LMBRD1: variants seen among roughly 807,000 people sequenced by gnomAD.
LMBRD1 encodes LMBR1 domain containing 1.
A neutral mutation model predicts 74.8 loss-of-function variants in LMBRD1; 64 were observed. The ratio of observed to expected loss-of-function variants is 0.86; its 90% CI spans 0.70 to 1.05. LMBRD1 has a LOEUF of 1.05. LMBRD1 is among the 50% of genes least tolerant of loss of function. The pLI is 0.00. For synonymous variants in LMBRD1, 204 were observed against 216.3 expected (o/e 0.94, Z 0.50); for missense variants, 652 against 645.9 (o/e 1.01, Z -0.10).
chr6:69,751,971 T>C (rs199873889), intron 4 of LMBRD1, among the ~76,000 whole-genome samples: 2 of 150,010 alleles, frequency 1.3e-5, no homozygotes, highest in Admixed American at 1.3e-4. Context: ...GCTAGCTTGA[T>C]TGTTGTGTAA....
chr6:69,765,877 T>C (rs574532172), intron 3 of LMBRD1, among the ~76,000 whole-genome samples: 7 of 152,168 alleles, frequency 4.6e-5, no homozygotes, highest in African/African-American at 1.7e-4. Context: ...TTTTTGATGG[T>C]TTCTGATTGG....
At chr6:69,790,241 A>T in intron 2 of LMBRD1, 55 bp downstream of exon 2, 1 of 1,190,254 alleles carries the variant, frequency 8.4e-7, no homozygotes, top group Non-Finnish European at 1.2e-6. Context: ...TCGGACTGCC[A>T]AGTGTGCCAG....
intron 7 of LMBRD1, among the ~76,000 whole-genome samples, chr6:69,733,943 A>G (rs1766917652): frequency 6.6e-6 from 1 of 152,206 alleles, no homozygotes; most frequent in Admixed American, 6.5e-5. Context: ...TTAAGTGGCC[A>G]GTAGATTCCA....
intron 4 of LMBRD1, among the ~76,000 whole-genome samples, chr6:69,751,584 TC>T (rs1317660322): frequency 6.6e-6 from 1 of 152,194 alleles, no homozygotes; most frequent in African/African-American, 2.4e-5. Flanking sequence ...CGCCTCGGCC[TC>T]CCAAAGTGCT....
rs888375728 is a variant in LMBRD1 at position 69,779,534 on chromosome 6, G to A, written c.307+960C>T. Among the ~76,000 whole-genome samples the A allele has an allele frequency of 2.6e-5, 4 of 152,220 alleles. No homozygotes were observed. In the East Asian group the frequency reaches 7.7e-4, roughly 29 times the overall value. On this transcript the variant is annotated intron_variant, in intron 3 of 15. Transcript: ENST00000649934. ...GACTCTGTGGAGAGTAAAGTTGATAGTACAAATTCCCCAGAGACTGCAGTC... is the reference window on the plus strand; with the variant it reads ...GACTCTGTGGAGAGTAAAGTTGATAATACAAATTCCCCAGAGACTGCAGTC...
chr6:69,701,968 A>T lies in LMBRD1; in HGVS notation c.916-15T>A, dbSNP rs368465228. On this transcript the variant is annotated splice_polypyrimidine_tract_variant and intron_variant, in intron 9 of 15. Transcript: ENST00000649934. ...CCCCAGACGATCTAAAAGCAAAAATATATTCATTAAAATATAGTTCTAAAA... is the reference window on the plus strand; with the variant it reads ...CCCCAGACGATCTAAAAGCAAAAATTTATTCATTAAAATATAGTTCTAAAA... The T allele has an allele frequency of 3.4e-6, 5 of 1,489,502 alleles. No individual in the cohort carries two copies. Among genetic ancestry groups the T allele is most frequent in the Non-Finnish European group, 4.7e-6 (5 of 1,068,152 alleles). 92.3% of individuals were successfully genotyped at this position (1,489,502 alleles called of 1,614,324 possible). A position where few individuals can be genotyped will look rare whatever the true frequency, so the allele number is the denominator to read the frequency against.
chr6:69,749,513 C>T, intron 4 of LMBRD1, 105 bp from the exon 5 acceptor site: 1 of 855,106 alleles, frequency 1.2e-6, no homozygotes, highest in South Asian at 1.5e-5. Context: ...CATGCTTACA[C>T]TCAATATTGA....
intron 2 of LMBRD1, among the ~76,000 whole-genome samples, chr6:69,788,249 TA>T (rs1419341027): frequency 1.3e-5 from 2 of 152,020 alleles, no homozygotes; most frequent in Non-Finnish European, 2.9e-5. Flanking sequence ...AATTCTAAAC[TA>T]AAAAAATCTC....
chr6:69,718,345 A>C (rs1766537153), intron 8 of LMBRD1, among the ~76,000 whole-genome samples: 1 of 152,170 alleles, frequency 6.6e-6, no homozygotes, highest in African/African-American at 2.4e-5. Context: ...ATCATACATA[A>C]GAAAAACTTC....
At chr6:69,786,148 T>C (rs1765939718) in intron 2 of LMBRD1, among the ~76,000 whole-genome samples, 1 of 152,230 alleles carries the variant, frequency 6.6e-6, no homozygotes, top group Admixed American at 6.5e-5. Context: ...AGCAACCTCA[T>C]TTGCCTTAAT....
chr6:69,718,637 GT>G (rs1180856693), intron 8 of LMBRD1, among the ~76,000 whole-genome samples: 4 of 152,284 alleles, frequency 2.6e-5, no homozygotes, highest in South Asian at 2.1e-4. Flanking sequence ...GGAAGGAGAA[GT>G]GCCAAAGGGG....
At chr6:69,780,761 C>A (rs1408771916) in intron 2 of LMBRD1, among the ~76,000 whole-genome samples, 3 of 152,122 alleles carry the variant, frequency 2.0e-5, no homozygotes, top group East Asian at 3.9e-4. Context: ...TGGGAAAACA[C>A]AGACAAAAGG....
At chr6:69,697,459 T>G (rs111626706) in intron 14 of LMBRD1, 104 bp downstream of exon 14, 1 of 813,934 alleles carries the variant, frequency 1.2e-6, no homozygotes, top group Non-Finnish European at 2.1e-6. Flanking sequence ...AAAAGTTTCC[T>G]TCTTACCACG....
intron 7 of LMBRD1, among the ~76,000 whole-genome samples, chr6:69,731,327 G>A (rs1263643903): frequency 6.6e-6 from 1 of 151,944 alleles, no homozygotes; most frequent in African/African-American, 2.4e-5. Context: ...AGATATTCCT[G>A]GCATAAAGAT....
chr6:69,738,715 A>C (rs1456330467), intron 6 of LMBRD1, among the ~76,000 whole-genome samples: 3 of 152,230 alleles, frequency 2.0e-5, no homozygotes, highest in East Asian at 3.9e-4. Context: ...TTTCACATAA[A>C]TATATCAAAT....
chr6:69,755,399 G>A (rs1765247060), intron 3 of LMBRD1, among the ~76,000 whole-genome samples: 1 of 152,196 alleles, frequency 6.6e-6, no homozygotes, highest in Non-Finnish European at 1.5e-5. Context: ...CATGGACACA[G>A]GGAGGGGAAC....
At chr6:69,745,210 T>C (rs932680769) in intron 5 of LMBRD1, among the ~76,000 whole-genome samples, 4 of 152,064 alleles carry the variant, frequency 2.6e-5, no homozygotes, top group Non-Finnish European at 4.4e-5. Flanking sequence ...TATACACATC[T>C]TCACTGTCTT....
intron 3 of LMBRD1, among the ~76,000 whole-genome samples, chr6:69,779,358 T>C (rs1433805733): frequency 1.3e-5 from 2 of 152,156 alleles, no homozygotes; most frequent in Non-Finnish European, 2.9e-5. Context: ...CTTTTTTTTA[T>C]AAAACACAAG....
intron 8 of LMBRD1, among the ~76,000 whole-genome samples, chr6:69,716,434 G>A (rs1328427832): frequency 2.0e-5 from 3 of 151,862 alleles, no homozygotes; most frequent in Non-Finnish European, 2.9e-5. Context: ...GAAGTGTCTT[G>A]AGCACCTTTC....
Sources: allele counts gnomAD v4.1 joint callset (sites outside exome capture counted in the v4.1 genomes callset), GRCh38; gene constraint gnomAD v4.1.1; transcripts MANE v1.5; gene names NCBI Gene and HGNC (gene_info 2026-07-23, HGNC 2026-07-21).